The following DLG5 variants were observed in gnomAD, a reference collection of about 807,000 sequenced individuals.
DLG5 encodes the protein disks large homolog 5.
DLG5 carries 48 observed loss-of-function variants against 189.8 expected under a neutral mutation model. The observed-to-expected ratio is 0.25, with a 90% confidence interval of 0.20 to 0.32. DLG5 has a LOEUF of 0.32. Ranked by LOEUF, DLG5 falls within the 10% of genes least tolerant of loss-of-function variation. DLG5 has a pLI of 1.00. For missense variants in DLG5, 2,160 were observed against 2,544.7 expected, an observed-to-expected ratio of 0.85 and a Z score of 3.25; for synonymous variants, 1,016 against 1,054.1, an observed-to-expected ratio of 0.96 and a Z score of 0.70.
At chr10:77,838,078 G>A (rs537183252) in intron 7 of DLG5, among the ~76,000 whole-genome samples, 4 of 152,270 alleles carry the variant, frequency 2.6e-5, no homozygotes, top group African/African-American at 7.2e-5. Context: ...CTGCCTCTAA[G>A]TTCTGGAAAG....
At chr10:77,870,161 C>T (rs561127871) in intron 1 of DLG5, among the ~76,000 whole-genome samples, 27 of 152,268 alleles carry the variant, frequency 1.8e-4, no homozygotes, top group Admixed American at 1.4e-3. Context: ...CAAAGCATAA[C>T]ACACAGAGAT....
chr10:77,908,199 C>T (rs908406949), intron 1 of DLG5, among the ~76,000 whole-genome samples: 1 of 152,184 alleles, frequency 6.6e-6, no homozygotes, highest in African/African-American at 2.4e-5. Context: ...AGAGGACACA[C>T]CAACTCTATT....
chr10:77,809,451 G>A lies in DLG5; in HGVS notation c.4647+96C>T, dbSNP rs1250882237. On this transcript the variant is annotated intron_variant, in intron 24 of 31. Transcript: ENST00000372391. ...GCCCTGACTGGCTCACCAGATGAGA[G>A]GCTGTACTCCTCCGTCTTTGGTGCC... is the stretch of plus-strand genomic sequence containing the variant. 5 of 1,355,068 alleles carry A rather than the reference G, an allele frequency of 3.7e-6. No individual in the cohort carries two copies. In the Admixed American group the frequency reaches 9.0e-5, roughly 24 times the overall value. 83.9% of individuals were successfully genotyped at this position (1,355,068 alleles called of 1,614,324 possible).
intron 1 of DLG5, among the ~76,000 whole-genome samples, chr10:77,900,930 G>A (rs576359457): frequency 2.0e-4 from 29 of 144,690 alleles, no homozygotes; most frequent in Middle Eastern, 8.1e-3. Flanking sequence ...GCGAGACTCC[G>A]TCTCAAGTAA....
chr10:77,903,357 G>A (rs1845984787), intron 1 of DLG5, among the ~76,000 whole-genome samples: 1 of 152,054 alleles, frequency 6.6e-6, no homozygotes, highest in Admixed American at 6.6e-5. Flanking sequence ...GAACTCGGGA[G>A]GCAGAGGTTG....
At chr10:77,920,470 G>A (rs1190372325) in intron 1 of DLG5, among the ~76,000 whole-genome samples, 3 of 152,126 alleles carry the variant, frequency 2.0e-5, no homozygotes, top group African/African-American at 4.8e-5. Flanking sequence ...GCGTGACATC[G>A]CTGCTGCTTG....
intron 2 of DLG5, among the ~76,000 whole-genome samples, chr10:77,865,797 C>A (rs527758939): frequency 1.3e-5 from 2 of 152,226 alleles, no homozygotes; most frequent in African/African-American, 2.4e-5. Flanking sequence ...GAGGCCTTGG[C>A]ACAAAGACCT....
At chr10:77,812,518 G>A (rs1841830240) in intron 20 of DLG5, 141 bp from the exon 21 acceptor site, 1 of 975,710 alleles carries the variant, frequency 1.0e-6, no homozygotes, top group Non-Finnish European at 1.5e-6. Flanking sequence ...ACAGCTACAT[G>A]GGGACATGGT....
chr10:77,814,430 T>C (rs908081984), intron 20 of DLG5, among the ~76,000 whole-genome samples: 5 of 140,926 alleles, frequency 3.5e-5, no homozygotes, highest in Non-Finnish European at 7.6e-5. Flanking sequence ...TTAAGGGAGA[T>C]TTGATTATGT....
Position 77,824,457 on chromosome 10 carries a change from T to C in DLG5, c.2309A>G (p.Asp770Gly). 6.2e-7 allele frequency: 1 copy of C among 1,613,990 alleles called. No homozygotes were observed. The highest frequency in any genetic ancestry group is 8.5e-7 in the Non-Finnish European group (1 of 1,179,964). The change falls in exon 14 of 32, where the codon GAC (aspartate) becomes GGC (glycine). Residue 770 changes from aspartate (D) to glycine (G), a missense_variant. Transcript: ENST00000372391. ...TTCACATTCATTCAGAGACTTGTTGTCCAGTGCAATGCCATTGATCTAGAG... is the reference window on the plus strand; with the variant it reads ...TTCACATTCATTCAGAGACTTGTTGCCCAGTGCAATGCCATTGATCTAGAG... ...RIVAINGIAL[D>G]NKSLNECESL...
At chr10:77,837,703 C>T (rs765912267) in intron 7 of DLG5, among the ~76,000 whole-genome samples, 16 of 152,204 alleles carry the variant, frequency 1.1e-4, no homozygotes, top group South Asian at 2.1e-4. Context: ...AGAAGTGACT[C>T]GCCAGGGCTC....
intron 1 of DLG5, among the ~76,000 whole-genome samples, chr10:77,872,748 C>T (rs190242440): frequency 6.6e-6 from 1 of 152,212 alleles, no homozygotes; most frequent in African/African-American, 2.4e-5. Context: ...AGGCCGGTTG[C>T]TTCCATGGGG....
chr10:77,907,549 A>G (rs1846102182), intron 1 of DLG5, among the ~76,000 whole-genome samples: 1 of 152,222 alleles, frequency 6.6e-6, no homozygotes, highest in South Asian at 2.1e-4. Context: ...ACTGCACTCC[A>G]GCCTGGGCAA....
intron 27 of DLG5, among the ~76,000 whole-genome samples, chr10:77,800,383 T>C (rs1472287646): frequency 6.6e-6 from 1 of 152,200 alleles, no homozygotes; most frequent in Non-Finnish European, 1.5e-5. Flanking sequence ...GAAGCTGACA[T>C]TCTGCAGGCC....
chr10:77,851,269 TAC>T (rs1418785995), intron 5 of DLG5, among the ~76,000 whole-genome samples: 1 of 152,226 alleles, frequency 6.6e-6, no homozygotes, highest in Admixed American at 6.5e-5. Context: ...ACTGAAAACC[TAC>T]AGTCTTTAAA....
intron 29 of DLG5, 138 bp downstream of exon 29, chr10:77,795,923 G>C: frequency 7.7e-7 from 1 of 1,299,776 alleles, no homozygotes; most frequent in Non-Finnish European, 1.1e-6. Flanking sequence ...AGGCACAGGT[G>C]AACTCAGACT....
At position 77,926,440 on chromosome 10, in the gene DLG5, G is replaced by T. The variant is rs762471959; in HGVS notation, c.81C>A (p.Leu27=). 79 of 1,560,426 alleles carry T rather than the reference G, an allele frequency of 5.1e-5. No individual in the cohort carries two copies. The highest frequency in any genetic ancestry group is 6.8e-5 in the Non-Finnish European group (79 of 1,156,020). ...AQAMTEVEAV[L]GLLEAAGALS... ...GCGCTCCCGCGGCCTCGAGCAGCCC[G>T]AGCACGGCTTCCACCTCCGTCATGG... The change falls in exon 1 of 32, where the codon CTC becomes CTA. Residue 27 remains leucine (L), a synonymous_variant. Coordinates refer to ENST00000372391, the MANE Select transcript of DLG5 (RefSeq NM_004747.4). The surrounding 1 kb of genome is among the most constrained non-coding windows in gnomAD (Gnocchi z 5.2).
chr10:77,815,440 A>T (rs866399821), intron 20 of DLG5, among the ~76,000 whole-genome samples: 26 of 152,274 alleles, frequency 1.7e-4, no homozygotes, highest in Middle Eastern at 3.4e-3. Flanking sequence ...CGGGTGGATC[A>T]CCTGAGGTCA....
chr10:77,906,668 A>G (rs1589272487), intron 1 of DLG5, among the ~76,000 whole-genome samples: 1 of 124,382 alleles, frequency 8.0e-6, no homozygotes, highest in African/African-American at 3.1e-5. Flanking sequence ...TCTGTTGCCC[A>G]GGCTGGAGTG....
Sources: allele counts gnomAD v4.1 joint callset (sites outside exome capture counted in the v4.1 genomes callset), GRCh38; gene constraint gnomAD v4.1.1; non-coding constraint Gnocchi (gnomAD v3.1); transcripts MANE v1.5; gene names NCBI Gene and HGNC (gene_info 2026-07-23, HGNC 2026-07-21).